The following UBE3A variants were observed in gnomAD, a reference collection of about 807,000 sequenced individuals.
UBE3A encodes ubiquitin-protein ligase E3A.
UBE3A carries 6 observed loss-of-function variants against 83.4 expected under a neutral mutation model. That is an observed-to-expected ratio of 0.07 (90% CI 0.04 to 0.14). UBE3A has a LOEUF of 0.14. Among genes scored for constraint, UBE3A ranks in the 10% least tolerant of loss-of-function variants. UBE3A has a pLI of 1.00. For missense variants in UBE3A, 456 were observed against 1,036.1 expected (o/e 0.44, Z 7.69); for synonymous variants, 337 against 355.4 (o/e 0.95, Z 0.58).
At chr15:25,343,595 A>G (rs901795490) in intron 11 of UBE3A, among the ~76,000 whole-genome samples, 3 of 152,182 alleles carry the variant, frequency 2.0e-5, no homozygotes, top group African/African-American at 7.2e-5. Flanking sequence ...AAACATAACT[A>G]AAGAAATGCA....
chr15:25,359,186 T>C (rs2077639893), intron 7 of UBE3A, among the ~76,000 whole-genome samples: 1 of 152,186 alleles, frequency 6.6e-6, no homozygotes, highest in Non-Finnish European at 1.5e-5. Flanking sequence ...TTCTTACAAG[T>C]ATTTCTGCAT....
chr15:25,408,290 A>G lies in UBE3A; in HGVS notation c.20+798T>C, dbSNP rs1021852423. ...CCAAGCTTGACTTTGGCTCCTAAAGAGTCTACTTATTCTTTTACTGCCAAG... is the reference window on the plus strand; with the variant it reads ...CCAAGCTTGACTTTGGCTCCTAAAGGGTCTACTTATTCTTTTACTGCCAAG... On this transcript the variant is annotated intron_variant, in intron 3 of 12. Transcript: ENST00000648336. 4 of 373,044 alleles carry G rather than the reference A, an allele frequency of 1.1e-5. No individual in the cohort carries two copies. In the Admixed American group the frequency reaches 1.2e-4, roughly 11 times the overall value. The allele number at this position is 373,044 out of a possible 1,614,324, so 23.1% of individuals were successfully genotyped here.
At chr15:25,398,767 TTATTTATATATATATATA>T (rs1287271528) in intron 4 of UBE3A, among the ~76,000 whole-genome samples, 3 of 67,140 alleles carry the variant, frequency 4.5e-5, no homozygotes, top group Admixed American at 1.7e-4. Flanking sequence ...TTTTATTCTT[TTATTTATATATATATATA>T]TATATATATA....
chr15:25,384,766 T>C (rs938483840), intron 4 of UBE3A, among the ~76,000 whole-genome samples: 5 of 152,110 alleles, frequency 3.3e-5, no homozygotes, highest in African/African-American at 4.8e-5. Flanking sequence ...TCTAAAGATA[T>C]TGCAAAGCTA....
chr15:25,398,072 G>A (rs903692267), intron 4 of UBE3A, among the ~76,000 whole-genome samples: 6 of 150,002 alleles, frequency 4.0e-5, no homozygotes, highest in Admixed American at 3.3e-4. Flanking sequence ...GGGAGGCTGA[G>A]GCAGGAGAAT....
intron 1 of UBE3A, among the ~76,000 whole-genome samples, chr15:25,433,524 C>A (rs909204977): frequency 6.6e-6 from 1 of 152,118 alleles, no homozygotes; most frequent in Admixed American, 6.6e-5. Context: ...AGAATGATCA[C>A]GTTTGAAAAG....
rs1219932291 is a variant in UBE3A at position 25,334,040 on chromosome 15, A to T, written c.*5097T>A. 1 of 152,180 alleles carries T rather than the reference A, an allele frequency of 6.6e-6. No homozygotes were observed. The highest frequency in any genetic ancestry group is 1.5e-5 in the Non-Finnish European group (1 of 68,032). The allele number at this position is 152,180 out of a possible 1,614,324, so 9.4% of individuals were successfully genotyped here. On this transcript the variant is annotated 3_prime_UTR_variant, in exon 13 of 13. Transcript: ENST00000648336. ...TTCCCCTTAAAATCAGGAACAAGAAAAAGATGTCTGCTCTTGTCACTTCTA... is the reference window on the plus strand; with the variant it reads ...TTCCCCTTAAAATCAGGAACAAGAATAAGATGTCTGCTCTTGTCACTTCTA...
At chr15:25,353,683 T>C (rs1276627331) in intron 11 of UBE3A, among the ~76,000 whole-genome samples, 1 of 152,212 alleles carries the variant, frequency 6.6e-6, no homozygotes, top group East Asian at 1.9e-4. Flanking sequence ...TCCAGGAAGG[T>C]ACGTGTTTGC....
intron 11 of UBE3A, among the ~76,000 whole-genome samples, chr15:25,348,628 T>C (rs1309825595): frequency 6.6e-6 from 1 of 152,184 alleles, no homozygotes; most frequent in Non-Finnish European, 1.5e-5. Flanking sequence ...AGAAAGGTTA[T>C]AGGATATAAG....
chr15:25,339,375 T>C, intron 12 of UBE3A, 118 bp from the exon 13 acceptor site: 1 of 1,280,924 alleles, frequency 7.8e-7, no homozygotes, highest in Non-Finnish European at 1.1e-6. Context: ...ATGCAAACTA[T>C]ACATTAATGC....
chr15:25,340,305 A>T, intron 11 of UBE3A, 77 bp from the exon 12 acceptor site: 1 of 1,495,962 alleles, frequency 6.7e-7, no homozygotes, highest in South Asian at 1.1e-5. Context: ...TATGATTTGC[A>T]TTAAAACTAT....
chr15:25,342,662 G>C (rs1036732248), intron 11 of UBE3A, among the ~76,000 whole-genome samples: 1 of 152,012 alleles, frequency 6.6e-6, no homozygotes, highest in African/African-American at 2.4e-5. Context: ...CTATGACTTA[G>C]GTCTAGAGTA....
At chr15:25,436,737 A>C (rs528147234) in intron 1 of UBE3A, among the ~76,000 whole-genome samples, 3 of 152,172 alleles carry the variant, frequency 2.0e-5, no homozygotes, top group Non-Finnish European at 2.9e-5. Context: ...TACCTTTCTT[A>C]GGAAGTTATT....
At chr15:25,377,287 A>G (rs2081376225) in intron 4 of UBE3A, among the ~76,000 whole-genome samples, 1 of 152,184 alleles carries the variant, frequency 6.6e-6, no homozygotes, top group Non-Finnish European at 1.5e-5. Flanking sequence ...ATTCACACAC[A>G]TTCAATTCAT....
At chr15:25,345,268 G>C (rs891742480) in intron 11 of UBE3A, among the ~76,000 whole-genome samples, 1 of 152,120 alleles carries the variant, frequency 6.6e-6, no homozygotes, top group Admixed American at 6.5e-5. Flanking sequence ...AAGGGATCAT[G>C]ATGTAGTAAG....
intron 6 of UBE3A, among the ~76,000 whole-genome samples, chr15:25,364,807 C>G (rs983305182): frequency 3.3e-5 from 5 of 151,844 alleles, no homozygotes; most frequent in African/African-American, 9.7e-5. Flanking sequence ...CCGCGCCTGG[C>G]TATTTTTTTT....
chr15:25,424,011 T>C (rs1209611760), intron 1 of UBE3A, among the ~76,000 whole-genome samples: 2 of 152,348 alleles, frequency 1.3e-5, no homozygotes, highest in Non-Finnish European at 2.9e-5. Flanking sequence ...TTTCTGCCCT[T>C]GTCCCCTTTT....
chr15:25,333,895 CCTT>C lies in UBE3A; in HGVS notation c.*5239_*5241del, dbSNP rs1006001803. The C allele has an allele frequency of 8.8e-5, 11 of 124,722 alleles. No individual in the cohort carries two copies. Among genetic ancestry groups the C allele is most frequent in the Non-Finnish European group, 1.4e-4 (9 of 63,602 alleles). The allele number at this position is 124,722 out of a possible 1,614,324, so 7.7% of individuals were successfully genotyped here. A position where few individuals can be genotyped will look rare whatever the true frequency, so the allele number is the denominator to read the frequency against. On this transcript the variant is annotated 3_prime_UTR_variant, in exon 13 of 13. Transcript: ENST00000648336. The stretch of plus-strand genomic sequence containing the variant: ...GCATTTAACAAAACCCACAGCCCCT[CCTT>C]TTTTTTTTTTTGATTAAAAAACACT...
At chr15:25,428,329 T>C (rs954684297) in intron 1 of UBE3A, among the ~76,000 whole-genome samples, 15 of 151,908 alleles carry the variant, frequency 9.9e-5, no homozygotes, top group Non-Finnish European at 1.8e-4. Flanking sequence ...TAAATGCAAA[T>C]AACAAAGAGT....
Sources: allele counts gnomAD v4.1 joint callset (sites outside exome capture counted in the v4.1 genomes callset), GRCh38; gene constraint gnomAD v4.1.1; transcripts MANE v1.5; gene names NCBI Gene and HGNC (gene_info 2026-07-23, HGNC 2026-07-21).